The following PDE10A variants were observed in gnomAD, a reference collection of about 807,000 sequenced individuals.
PDE10A encodes the protein cAMP and cAMP-inhibited cGMP 3',5'-cyclic phosphodiesterase 10A.
In PDE10A, 39 loss-of-function variants were observed where a neutral mutation model predicts 97.7. That is an observed-to-expected ratio of 0.40 (90% CI 0.31 to 0.52). The LOEUF is 0.52. Among genes scored for constraint, PDE10A ranks in the 20% least tolerant of loss-of-function variants. The pLI is 0.56. For synonymous variants in PDE10A, 371 were observed against 376.8 expected, an observed-to-expected ratio of 0.98 and a Z score of 0.18; for missense variants, 731 against 1,047.8, an observed-to-expected ratio of 0.70 and a Z score of 4.17.
chr6:165,943,307 G>GA lies in PDE10A; in HGVS notation c.-615+44221dup, dbSNP rs1384742785. 2.2e-3 allele frequency among the ~76,000 whole-genome samples: 232 copies of GA among 106,258 alleles called. 11 individuals are homozygous for GA. The highest frequency in any genetic ancestry group is 5.9e-3 in the South Asian group (20 of 3,372). The allele number at this position is 106,258 out of a possible 152,430, so 69.7% of individuals were successfully genotyped here. On this transcript the variant is annotated intron_variant, in intron 1 of 19. Transcript: ENST00000366882. The stretch of plus-strand genomic sequence containing the variant: ...AGAAAGAAAGAAGGAAAGAAAGAAA[G>GA]AAGGAAGGAAGGAAAGAAAGAAAAA...
At chr6:165,654,853 C>G (rs880122) in intron 1 of PDE10A, among the ~76,000 whole-genome samples, 1 of 152,152 alleles carries the variant, frequency 6.6e-6, no homozygotes, top group Admixed American at 6.5e-5. Context: ...CTTGAGGCTC[C>G]GCTTCTGAAC....
chr6:165,796,734 C>T (rs1227833503), intron 1 of PDE10A, among the ~76,000 whole-genome samples: 2 of 152,166 alleles, frequency 1.3e-5, no homozygotes, highest in Non-Finnish European at 2.9e-5. Context: ...CAAACCAAGA[C>T]CCAATCCAGG....
At chr6:165,862,633 A>G (rs1375469590) in intron 1 of PDE10A, among the ~76,000 whole-genome samples, 1 of 151,714 alleles carries the variant, frequency 6.6e-6, no homozygotes, top group African/African-American at 2.4e-5. Flanking sequence ...AGAGCAAGTG[A>G]GTCAAAGAAC....
At chr6:165,623,250 C>A (rs1008264369) in intron 1 of PDE10A, among the ~76,000 whole-genome samples, 1 of 148,748 alleles carries the variant, frequency 6.7e-6, no homozygotes, top group Non-Finnish European at 1.5e-5. Context: ...CTCAGCCTCC[C>A]GAGTAGCTGG....
chr6:165,935,512 G>A (rs1783293127), intron 1 of PDE10A, among the ~76,000 whole-genome samples: 1 of 152,212 alleles, frequency 6.6e-6, no homozygotes, highest in African/African-American at 2.4e-5. Flanking sequence ...TAAGGAAGAG[G>A]GAAATCGTGG....
chr6:165,335,084 T>A (rs1235843344), intron 21 of PDE10A, among the ~76,000 whole-genome samples: 3 of 152,204 alleles, frequency 2.0e-5, no homozygotes, highest in Admixed American at 6.5e-5. Context: ...CTGCTGGCTA[T>A]AACCCTTTGA....
chr6:165,383,120 T>C (rs768919196), intron 17 of PDE10A, among the ~76,000 whole-genome samples: 4 of 152,144 alleles, frequency 2.6e-5, no homozygotes, highest in Non-Finnish European at 5.9e-5. Context: ...TTCTGAAATA[T>C]GATCACATTT....
At chr6:165,642,190 C>A (rs746937341) in intron 1 of PDE10A, among the ~76,000 whole-genome samples, 8 of 152,226 alleles carry the variant, frequency 5.3e-5, no homozygotes, top group Non-Finnish European at 1.2e-4. Context: ...TCTCCCACAG[C>A]CCCACATCCA....
At chr6:165,975,789 A>G (rs2128502588) in intron 1 of PDE10A, among the ~76,000 whole-genome samples, 1 of 152,346 alleles carries the variant, frequency 6.6e-6, no homozygotes, top group East Asian at 1.9e-4. Flanking sequence ...AATGGAATAG[A>G]AATATTTGGT....
chr6:165,689,504 C>T (rs9459473), intron 1 of PDE10A, among the ~76,000 whole-genome samples: 5,357 of 152,180 alleles, frequency 0.035, 293 homozygotes, highest in African/African-American at 0.12. Flanking sequence ...GGACAGATCC[C>T]GCATGAACAG....
chr6:165,542,534 G>A (rs529972657), intron 2 of PDE10A, among the ~76,000 whole-genome samples: 2 of 151,110 alleles, frequency 1.3e-5, no homozygotes, highest in South Asian at 4.2e-4. Context: ...AAAATGCCAG[G>A]ATCTCAAAAG....
chr6:165,878,615 G>T (rs907295718), intron 1 of PDE10A, among the ~76,000 whole-genome samples: 1 of 152,206 alleles, frequency 6.6e-6, no homozygotes, highest in African/African-American at 2.4e-5. Context: ...CAGAATCATG[G>T]CTCCCCAAAG....
chr6:165,890,097 C>T (rs1298229655), intron 1 of PDE10A, among the ~76,000 whole-genome samples: 1 of 150,918 alleles, frequency 6.6e-6, no homozygotes, highest in East Asian at 2.0e-4. Flanking sequence ...ACTCCTCCCT[C>T]ACTCCTCACT....
At chr6:165,731,747 T>C (rs1184301855) in intron 1 of PDE10A, among the ~76,000 whole-genome samples, 1 of 152,170 alleles carries the variant, frequency 6.6e-6, no homozygotes, top group African/African-American at 2.4e-5. Flanking sequence ...TAGGACTTAG[T>C]GAGTGCTCCA....
chr6:165,855,620 T>G (rs1454577915), intron 1 of PDE10A, among the ~76,000 whole-genome samples: 1 of 151,970 alleles, frequency 6.6e-6, no homozygotes, highest in Non-Finnish European at 1.5e-5. Flanking sequence ...ATAACCACAA[T>G]TTCTGAAGAC....
At chr6:165,949,112 C>T (rs1247171864) in intron 1 of PDE10A, 2 of 152,210 alleles carry the variant, frequency 1.3e-5, no homozygotes, top group African/African-American at 4.8e-5. Flanking sequence ...AAGATTGTTA[C>T]CTTTAACTAA....
At chr6:165,836,645 G>A (rs1370612460) in intron 1 of PDE10A, among the ~76,000 whole-genome samples, 2 of 152,202 alleles carry the variant, frequency 1.3e-5, no homozygotes, top group Admixed American at 6.5e-5. Context: ...GATATCTGGG[G>A]ACCAAGCTGA....
At chr6:165,341,435 C>T (rs1316391222) in intron 19 of PDE10A, among the ~76,000 whole-genome samples, 1 of 152,166 alleles carries the variant, frequency 6.6e-6, no homozygotes, top group Non-Finnish European at 1.5e-5. Flanking sequence ...AATCATATTA[C>T]AGTCTATAGT....
chr6:165,903,655 T>A (rs1185820561), intron 1 of PDE10A, among the ~76,000 whole-genome samples: 2 of 151,978 alleles, frequency 1.3e-5, no homozygotes, highest in African/African-American at 4.8e-5. Context: ...GGATAAAAGG[T>A]GGAGGTAACA....
Sources: allele counts gnomAD v4.1 joint callset (sites outside exome capture counted in the v4.1 genomes callset), GRCh38; gene constraint gnomAD v4.1.1; transcripts MANE v1.5; gene names NCBI Gene and HGNC (gene_info 2026-07-23, HGNC 2026-07-21).